Variants in ARHGAP42 observed in about 807,000 individuals in gnomAD.
ARHGAP42 encodes rho GTPase-activating protein 42.
ARHGAP42 carries 63 observed loss-of-function variants against 125.0 expected under a neutral mutation model. That is an observed-to-expected ratio of 0.50 (90% CI 0.41 to 0.62). The LOEUF is 0.62. Among genes scored for constraint, ARHGAP42 ranks in the 20% least tolerant of loss-of-function variants. ARHGAP42 has a pLI of 0.00. For synonymous variants in ARHGAP42, 339 were observed against 351.0 expected, an observed-to-expected ratio of 0.97 and a Z score of 0.38; for missense variants, 766 against 1,024.2, an observed-to-expected ratio of 0.75 and a Z score of 3.44.
At chr11:100,898,710 C>G (rs1454933201) in intron 4 of ARHGAP42, among the ~76,000 whole-genome samples, 2 of 151,938 alleles carry the variant, frequency 1.3e-5, no homozygotes, top group East Asian at 3.8e-4. Context: ...TTTTTTATTG[C>G]ATCTATTTGA....
Position 100,959,923 on chromosome 11 carries a change from C to T in ARHGAP42, c.1203C>T (p.Cys401=). The change falls in exon 13 of 24, where the codon TGC becomes TGT. Residue 401 remains cysteine, a synonymous_variant. Transcript: ENST00000298815. Reference sequence around the variant, plus strand: ...CAGGGTTCAACTTTGTGAGAAAATGCATTCAAGCTGTGGAAACAAGAGGTC... The same window carrying T: ...CAGGGTTCAACTTTGTGAGAAAATGTATTCAAGCTGTGGAAACAAGAGGTC... The part of the protein sequence containing the change: ...NEAGFNFVRK[C]IQAVETRGIT... The T allele has an allele frequency of 1.3e-6, 2 of 1,551,430 alleles. No individual in the cohort carries two copies. The highest frequency in any genetic ancestry group is 1.7e-6 in the Non-Finnish European group (2 of 1,146,556).
intron 22 of ARHGAP42, among the ~76,000 whole-genome samples, chr11:100,980,550 T>TTTCTTCTTC: frequency 1.2e-5 from 1 of 82,520 alleles, no homozygotes; most frequent in South Asian, 5.0e-4. Flanking sequence ...CATACTTCTT[T>TTTCTTCTTC]TTCTTCTTCT....
intron 6 of ARHGAP42, among the ~76,000 whole-genome samples, chr11:100,929,438 C>A (rs1021831073): frequency 1.3e-5 from 2 of 152,086 alleles, no homozygotes; most frequent in South Asian, 4.1e-4. Context: ...GTTTTTCTCT[C>A]TCTTGAGGAA....
intron 1 of ARHGAP42, 64 bp downstream of exon 1, chr11:100,687,896 G>A (rs749234526): frequency 6.8e-6 from 10 of 1,474,812 alleles, no homozygotes; most frequent in Non-Finnish European, 9.1e-6. Flanking sequence ...GTGCGGGTCC[G>A]AAGGGTGGGT....
At chr11:100,896,926 C>T (rs1866379754) in intron 4 of ARHGAP42, among the ~76,000 whole-genome samples, 1 of 152,164 alleles carries the variant, frequency 6.6e-6, no homozygotes, top group Admixed American at 6.5e-5. Flanking sequence ...TGCCTATGTC[C>T]TGAATGGTAT....
intron 1 of ARHGAP42, among the ~76,000 whole-genome samples, chr11:100,758,780 C>T (rs1862634139): frequency 6.6e-6 from 1 of 152,034 alleles, no homozygotes; most frequent in Non-Finnish European, 1.5e-5. Flanking sequence ...TAATATTATT[C>T]CCATTTTATA....
intron 1 of ARHGAP42, among the ~76,000 whole-genome samples, chr11:100,736,105 C>T (rs564882811): frequency 1.3e-5 from 2 of 152,196 alleles, no homozygotes; most frequent in East Asian, 1.9e-4. Context: ...ACTGGGGACA[C>T]CTAGAGTAGG....
At chr11:100,869,362 C>G (rs1446824614) in intron 4 of ARHGAP42, among the ~76,000 whole-genome samples, 3 of 151,362 alleles carry the variant, frequency 2.0e-5, no homozygotes, top group Non-Finnish European at 4.4e-5. Flanking sequence ...AATCTGGGCA[C>G]TATACTATCC....
rs1867634825 is a variant in ARHGAP42 at position 100,933,229 on chromosome 11, A to G, written c.671A>G (p.Tyr224Cys). The change falls in exon 7 of 24, where the codon TAT becomes TGT. Residue 224 changes from tyrosine (Y) to cysteine (C), a missense_variant. Physicochemically the swap from Tyr to Cys is radical, Grantham distance 194 (BLOSUM62 -2). This residue lies in a region of ARHGAP42 where 455 missense variants were observed against 636.5 expected (regional missense o/e 0.71). Transcript: ENST00000298815. ...GYELAQEFAPYKQQLQFNLQN... is the reference protein window; with the variant it reads ...GYELAQEFAPCKQQLQFNLQN... ...GAACTTGCCCAGGAATTTGCACCGTATAAGCAACAGCTGCAGTTCAACTTG... is the reference window on the plus strand; with the variant it reads ...GAACTTGCCCAGGAATTTGCACCGTGTAAGCAACAGCTGCAGTTCAACTTG... The G allele has an allele frequency of 1.3e-6, 2 of 1,550,804 alleles. No individual in the cohort carries two copies. The highest frequency in any genetic ancestry group is 8.7e-7 in the Non-Finnish European group (1 of 1,146,514).
At chr11:100,696,430 T>C (rs1002328867) in intron 1 of ARHGAP42, among the ~76,000 whole-genome samples, 2 of 152,180 alleles carry the variant, frequency 1.3e-5, no homozygotes, top group South Asian at 4.2e-4. Context: ...CTTGGCTGAC[T>C]GCAACTTCCG....
chr11:100,777,056 C>T (rs755034537), intron 2 of ARHGAP42, among the ~76,000 whole-genome samples: 3 of 151,136 alleles, frequency 2.0e-5, no homozygotes, highest in East Asian at 1.9e-4. Context: ...AATGCTTGTA[C>T]GAATCGTACA....
intron 12 of ARHGAP42, 71 bp downstream of exon 12, chr11:100,950,027 G>T: frequency 6.4e-6 from 6 of 943,176 alleles, no homozygotes; most frequent in Non-Finnish European, 9.4e-6. Flanking sequence ...TTAGGTGATT[G>T]TAAGTATTCT....
chr11:100,701,143 CTTT>C (rs200859842), intron 1 of ARHGAP42, among the ~76,000 whole-genome samples: 1 of 138,790 alleles, frequency 7.2e-6, no homozygotes. Context: ...GTAAAATGAA[CTTT>C]TTTTTTTTTT....
At chr11:100,823,432 G>A (rs1864446755) in intron 3 of ARHGAP42, among the ~76,000 whole-genome samples, 1 of 152,106 alleles carries the variant, frequency 6.6e-6, no homozygotes, top group Admixed American at 6.6e-5. Flanking sequence ...TAGAGTTAGG[G>A]TAGAAATCAT....
chr11:100,806,277 C>T (rs1456793816), intron 3 of ARHGAP42, among the ~76,000 whole-genome samples: 1 of 152,122 alleles, frequency 6.6e-6, no homozygotes, highest in African/African-American at 2.4e-5. Flanking sequence ...TACGTATCCC[C>T]ATTTCTCTTG....
chr11:100,907,242 C>T (rs1427019786), intron 4 of ARHGAP42, among the ~76,000 whole-genome samples: 1 of 152,216 alleles, frequency 6.6e-6, no homozygotes, highest in Non-Finnish European at 1.5e-5. Context: ...TGAGTTTGAA[C>T]AACTCTTCAT....
At chr11:100,862,100 G>A (rs938983198) in intron 4 of ARHGAP42, among the ~76,000 whole-genome samples, 4 of 152,120 alleles carry the variant, frequency 2.6e-5, no homozygotes, top group Non-Finnish European at 4.4e-5. Context: ...TTTTATTGGC[G>A]GGGACTTTCA....
At chr11:100,696,296 T>A (rs1464365996) in intron 1 of ARHGAP42, among the ~76,000 whole-genome samples, 1 of 152,198 alleles carries the variant, frequency 6.6e-6, no homozygotes, top group Non-Finnish European at 1.5e-5. Flanking sequence ...ATGACAGATT[T>A]TCAGTTCCAA....
At chr11:100,730,906 C>A (rs1223299361) in intron 1 of ARHGAP42, among the ~76,000 whole-genome samples, 1 of 152,068 alleles carries the variant, frequency 6.6e-6, no homozygotes, top group Non-Finnish European at 1.5e-5. Context: ...ATTTGTGTAT[C>A]TAAATATAGA....
Sources: gnomAD v4.1 joint callset for allele counts (sites outside exome capture counted in the v4.1 genomes callset) on GRCh38, gnomAD v4.1.1 for gene constraint, gnomAD v4.1.1 regional missense constraint, MANE v1.5 for transcripts, NCBI Gene and HGNC (gene_info 2026-07-23, HGNC 2026-07-21) for gene names.